NDFIP1: variants seen among roughly 807,000 people sequenced by gnomAD.
NDFIP1 encodes the protein Nedd4 family interacting protein 1.
In NDFIP1, 7 loss-of-function variants were observed where a neutral mutation model predicts 28.8. That is an observed-to-expected ratio of 0.24 (90% CI 0.14 to 0.46). The LOEUF (loss-of-function observed/expected upper bound fraction) is 0.46. NDFIP1 is among the 20% of genes least tolerant of loss of function. The pLI is 0.99. For synonymous variants in NDFIP1, 92 were observed against 101.0 expected, an observed-to-expected ratio of 0.91 and a Z score of 0.53; for missense variants, 194 against 269.1, an observed-to-expected ratio of 0.72 and a Z score of 1.95.
intron 1 of NDFIP1, among the ~76,000 whole-genome samples, chr5:142,125,905 C>T (rs527929380): frequency 6.6e-6 from 1 of 152,232 alleles, no homozygotes; most frequent in Non-Finnish European, 1.5e-5. Flanking sequence ...TGTATATCTT[C>T]TTTGGAGAAA....
At chr5:142,116,345 TCCTTCTTTCTCTC>T (rs1561597768) in intron 1 of NDFIP1, among the ~76,000 whole-genome samples, 29 of 125,630 alleles carry the variant, frequency 2.3e-4, no homozygotes, top group African/African-American at 7.3e-4. Context: ...CTTCCTTCCT[TCCTTCTTTCTCTC>T]TCTCTCTCTC....
intron 7 of NDFIP1, among the ~76,000 whole-genome samples, chr5:142,150,683 G>A (rs1372216559): frequency 6.8e-6 from 1 of 148,102 alleles, no homozygotes; most frequent in Non-Finnish European, 1.5e-5. Context: ...CCGAGCTCGC[G>A]CCACTGCACT....
rs953038441 is a variant in NDFIP1 at position 142,108,814 on chromosome 5, G to T, written c.-161G>T. On this transcript the variant is annotated 5_prime_UTR_variant, in exon 1 of 8. Transcript: ENST00000253814. ...TCGGAGCCTCGGCGGCGGCGGCGGT[G>T]CTTACAGCCTGAGAAGAGCGTCTCG... 9.5e-6 allele frequency: 5 copies of T among 524,448 alleles called. No individual in the cohort carries two copies. The African/African-American group carries it at 1.0e-4, about 11-fold the overall frequency. 32.5% of individuals were successfully genotyped at this position (524,448 alleles called of 1,614,324 possible).
chr5:142,109,193 G>T (rs1756985476), intron 1 of NDFIP1, among the ~76,000 whole-genome samples, 156 bp downstream of exon 1: 1 of 152,118 alleles, frequency 6.6e-6, no homozygotes, highest in Admixed American at 6.5e-5. Flanking sequence ...CCCGGGCTCG[G>T]ATTCGAGGCT....
chr5:142,121,233 C>A (rs1757119336), intron 1 of NDFIP1, among the ~76,000 whole-genome samples: 1 of 152,160 alleles, frequency 6.6e-6, no homozygotes, highest in African/African-American at 2.4e-5. Flanking sequence ...TAATTGAACA[C>A]CTGAGCACTT....
chr5:142,148,750 CAAAAAAAAAA>C (rs60681858), intron 7 of NDFIP1, among the ~76,000 whole-genome samples: 80 of 22,240 alleles, frequency 3.6e-3, no homozygotes, highest in Middle Eastern at 0.038. Flanking sequence ...GACTCTGTCT[CAAAAAAAAAA>C]AAAAAAAAAA....
At chr5:142,124,596 T>C (rs1022703719) in intron 1 of NDFIP1, among the ~76,000 whole-genome samples, 3 of 152,258 alleles carry the variant, frequency 2.0e-5, no homozygotes, top group African/African-American at 7.2e-5. Context: ...GGGGATTTAC[T>C]GCAAAATTAG....
At position 142,144,666 on chromosome 5, in the gene NDFIP1, A is replaced by G; in HGVS notation, c.658A>G (p.Ile220Val). Residue 220 changes from isoleucine to valine, a missense_variant, in exon 7 of 8, where the codon ATT (isoleucine) becomes GTT (valine). By Grantham distance (29) the Ile-to-Val change is conservative. Transcript: ENST00000253814. ...TCTCCCCAGGACCAGAGTTCTCTTT[A>G]TTTATTAAAGGTATTAAAGAAAAAA... ...SNLPRTRVLFIY is the reference protein window; with the variant it reads ...SNLPRTRVLFVY 6.2e-7 allele frequency: 1 copy of G among 1,604,006 alleles called. No homozygotes were observed. The highest frequency in any genetic ancestry group is 8.5e-7 in the Non-Finnish European group (1 of 1,173,944).
intron 1 of NDFIP1, among the ~76,000 whole-genome samples, chr5:142,119,067 T>A (rs1036209): frequency 0.67 from 101,994 of 152,102 alleles, 34,510 homozygotes; most frequent in African/African-American, 0.76. Context: ...ACTATATATG[T>A]CTGTATATTA....
rs1011388181 is a variant in NDFIP1, at chr5:142,152,146, G to T, written c.*418G>T. On this transcript the variant is annotated 3_prime_UTR_variant, in exon 8 of 8. Transcript: ENST00000253814. The stretch of plus-strand genomic sequence containing the variant: ...GTATAATGCTGGCCATTTTAAAGGG[G>T]TTTTCTCAAAAGTTAAACTTTTGCT... 2.6e-5 allele frequency: 4 copies of T among 152,682 alleles called. No homozygotes were observed. The highest frequency in any genetic ancestry group is 4.8e-5 in the African/African-American group (2 of 41,420). The allele number at this position is 152,682 out of a possible 1,614,324, so 9.5% of individuals were successfully genotyped here. A position where few individuals can be genotyped will look rare whatever the true frequency, so the allele number is the denominator to read the frequency against.
intron 6 of NDFIP1, chr5:142,143,057 G>A (rs1757353055): frequency 1.3e-5 from 2 of 149,964 alleles, no homozygotes; most frequent in Admixed American, 1.3e-4. Flanking sequence ...CCAGTTTAAT[G>A]GTGTTTTGTC....
chr5:142,132,310 G>A lies in NDFIP1; in HGVS notation c.250G>A (p.Ala84Thr), dbSNP rs759055850. 1 of 1,614,138 alleles carries A rather than the reference G, an allele frequency of 6.2e-7. No homozygotes were observed. ...PSYDEAERTK[A>T]EATIPLVPGR... Reference sequence around the variant, plus strand: ...TTATGATGAAGCGGAGAGGACCAAGGCTGAAGCTACTATCCCTTTGGTTCC... The same window carrying A: ...TTATGATGAAGCGGAGAGGACCAAGACTGAAGCTACTATCCCTTTGGTTCC... The change falls in exon 3 of 8, where the codon GCT (alanine) becomes ACT (threonine). Residue 84 changes from alanine (A) to threonine (T), a missense_variant. By Grantham distance (58) the Ala-to-Thr change is moderately conservative (BLOSUM62 0). Coordinates refer to ENST00000253814, the MANE Select transcript of NDFIP1 (RefSeq NM_030571.4).
intron 1 of NDFIP1, among the ~76,000 whole-genome samples, chr5:142,116,849 T>TA (rs1258879407): frequency 2.0e-5 from 3 of 152,110 alleles, no homozygotes; most frequent in Non-Finnish European, 4.4e-5. Context: ...TAGCTGGTGT[T>TA]ACAGGTGCAT....
intron 2 of NDFIP1, 120 bp downstream of exon 2, chr5:142,132,015 AT>A: frequency 8.9e-7 from 1 of 1,126,200 alleles, no homozygotes; most frequent in Non-Finnish European, 1.3e-6. Flanking sequence ...GCAAGTCTGG[AT>A]TTTAAATAAT....
chr5:142,137,777 C>G lies in NDFIP1; in HGVS notation c.414C>G (p.Cys138Trp). Residue 138 changes from cysteine (C) to tryptophan (W), a missense_variant, in exon 5 of 8, where the codon TGC (cysteine) becomes TGG (tryptophan). Coordinates refer to ENST00000253814, the MANE Select transcript of NDFIP1 (RefSeq NM_030571.4). Reference protein sequence around the residue: ...FNWIGFFLSFCLTTSAAGRYG... With the variant: ...FNWIGFFLSFWLTTSAAGRYG... ...GGATTGGGTTTTTCCTGTCTTTTTG[C>G]CTGACCACTTCAGCTGCAGGAAGGT... is the stretch of plus-strand genomic sequence containing the variant. 6.2e-7 allele frequency: 1 copy of G among 1,614,008 alleles called. No homozygotes were observed. Among genetic ancestry groups the G allele is most frequent in the Non-Finnish European group, 8.5e-7 (1 of 1,179,980 alleles).
intron 5 of NDFIP1, among the ~76,000 whole-genome samples, chr5:142,139,766 T>G (rs997082542): frequency 6.6e-6 from 1 of 152,112 alleles, no homozygotes. Context: ...GGCAATGGTA[T>G]CATCTACTCA....
intron 1 of NDFIP1, among the ~76,000 whole-genome samples, chr5:142,119,476 A>G (rs1036207): frequency 0.67 from 102,011 of 152,146 alleles, 34,513 homozygotes; most frequent in African/African-American, 0.76. Flanking sequence ...AACATTTATA[A>G]TACAGTTATC....
At chr5:142,132,071 C>T in intron 2 of NDFIP1, 141 bp from the exon 3 acceptor site, 1 of 1,100,288 alleles carries the variant, frequency 9.1e-7, no homozygotes, top group Non-Finnish European at 1.3e-6. Context: ...CTCTTACATT[C>T]ATCTAAGAAT....
At chr5:142,139,536 T>G (rs573979665) in intron 5 of NDFIP1, among the ~76,000 whole-genome samples, 1 of 151,850 alleles carries the variant, frequency 6.6e-6, no homozygotes, top group African/African-American at 2.4e-5. Context: ...AAGAACTATT[T>G]AAAAAAAAAT....
Sources: gnomAD v4.1 joint callset for allele counts (sites outside exome capture counted in the v4.1 genomes callset) on GRCh38, gnomAD v4.1.1 for gene constraint, MANE v1.5 for transcripts, NCBI Gene and HGNC (gene_info 2026-07-23, HGNC 2026-07-21) for gene names.